Variants in QTMAN observed in about 807,000 individuals in gnomAD.
QTMAN encodes the protein tRNA-queuosine alpha-mannosyltransferase.
chr2:144,164,799 GC>G, the QTMAN span, among the ~76,000 whole-genome samples: 1 of 152,158 alleles, frequency 6.6e-6, no homozygotes, highest in Non-Finnish European at 1.5e-5. Flanking sequence ...GATCACTTGT[GC>G]TTGAGCTGAG....
the QTMAN span, among the ~76,000 whole-genome samples, chr2:144,032,918 GA>G: frequency 3.3e-5 from 5 of 151,654 alleles, no homozygotes; most frequent in South Asian, 4.2e-4. Flanking sequence ...ACTCAAGGGG[GA>G]AAAAAATAGG....
At chr2:144,304,227 A>G in the QTMAN span, among the ~76,000 whole-genome samples, 1 of 152,332 alleles carries the variant, frequency 6.6e-6, no homozygotes, top group East Asian at 1.9e-4. Context: ...CACCTTAGAA[A>G]TAAGATTAAT....
chr2:144,300,805 AT>A, the QTMAN span, among the ~76,000 whole-genome samples: 1 of 152,292 alleles, frequency 6.6e-6, no homozygotes, highest in East Asian at 1.9e-4. Context: ...AGGAAAAAAA[AT>A]AATAACTCAA....
the QTMAN span, among the ~76,000 whole-genome samples, chr2:144,130,368 C>T: frequency 2.6e-5 from 4 of 151,838 alleles, no homozygotes; most frequent in Non-Finnish European, 5.9e-5. Context: ...AATTTTGGCA[C>T]TCAGTACAGC....
At chr2:144,261,341 GGAT>G in the QTMAN span, among the ~76,000 whole-genome samples, 1 of 151,752 alleles carries the variant, frequency 6.6e-6, no homozygotes, top group Non-Finnish European at 1.5e-5. Flanking sequence ...GGGGAGGGGG[GGAT>G]GATATTTAAG....
chr2:144,011,399 G>T, the QTMAN span, among the ~76,000 whole-genome samples: 1 of 152,018 alleles, frequency 6.6e-6, no homozygotes, highest in African/African-American at 2.4e-5. Flanking sequence ...TCATAGACAT[G>T]TTTAATATAA....
At chr2:144,192,396 T>C in the QTMAN span, among the ~76,000 whole-genome samples, 1 of 152,148 alleles carries the variant, frequency 6.6e-6, no homozygotes, top group Non-Finnish European at 1.5e-5. Flanking sequence ...CATAAGCCAA[T>C]GCACCTGGCC....
At chr2:144,051,604 A>C in the QTMAN span, among the ~76,000 whole-genome samples, 2 of 152,244 alleles carry the variant, frequency 1.3e-5, no homozygotes, top group African/African-American at 4.8e-5. Context: ...GTTGCAAAAG[A>C]GAACATACGT....
the QTMAN span, among the ~76,000 whole-genome samples, chr2:144,107,522 C>T: frequency 1.3e-5 from 2 of 152,108 alleles, no homozygotes; most frequent in African/African-American, 4.8e-5. Context: ...GGATAAATTC[C>T]TGGACACATA....
chr2:144,259,969 G>A, the QTMAN span, among the ~76,000 whole-genome samples: 822 of 152,186 alleles, frequency 5.4e-3, 5 homozygotes, highest in Non-Finnish European at 7.9e-3. Context: ...GTTGCACAGC[G>A]TGACAAGTTA....
the QTMAN span, among the ~76,000 whole-genome samples, chr2:143,958,563 A>G: frequency 6.6e-6 from 1 of 152,088 alleles, no homozygotes; most frequent in Non-Finnish European, 1.5e-5. Flanking sequence ...AAAAGCAGCA[A>G]TTATGGGGGA....
At chr2:144,314,462 T>C in the QTMAN span, among the ~76,000 whole-genome samples, 1 of 152,234 alleles carries the variant, frequency 6.6e-6, no homozygotes, top group Admixed American at 6.5e-5. Context: ...CCTGTAATCC[T>C]AGCACTTTGG....
the QTMAN span, chr2:143,952,929 AC>A: frequency 5.0e-6 from 4 of 796,250 alleles, no homozygotes; most frequent in African/African-American, 6.9e-5. Flanking sequence ...GCCTAAGTTA[AC>A]TGAATGAGCC....
At chr2:143,979,342 A>G in the QTMAN span, among the ~76,000 whole-genome samples, 2 of 152,196 alleles carry the variant, frequency 1.3e-5, no homozygotes, top group African/African-American at 4.8e-5. Context: ...AAGACCCAAT[A>G]TATGTATTAT....
At chr2:144,056,916 C>T in the QTMAN span, among the ~76,000 whole-genome samples, 5 of 152,234 alleles carry the variant, frequency 3.3e-5, no homozygotes, top group Admixed American at 6.5e-5. Flanking sequence ...TCCAATAAAA[C>T]ATTTTGCGAT....
the QTMAN span, among the ~76,000 whole-genome samples, chr2:144,002,329 T>C: frequency 6.6e-6 from 1 of 151,954 alleles, no homozygotes; most frequent in South Asian, 2.1e-4. Flanking sequence ...GCTAAACTAG[T>C]TGTCTTTTCA....
the QTMAN span, among the ~76,000 whole-genome samples, chr2:144,044,494 T>C: frequency 9.3e-4 from 142 of 152,320 alleles, 3 homozygotes; most frequent in East Asian, 0.026. Flanking sequence ...GAGTAAGAAC[T>C]TGGGGAGCAA....
chr2:144,175,170 T>C, the QTMAN span, among the ~76,000 whole-genome samples: 1 of 152,070 alleles, frequency 6.6e-6, no homozygotes, highest in South Asian at 2.1e-4. Context: ...GAAAAAAATA[T>C]ATGAAAGATA....
the QTMAN span, among the ~76,000 whole-genome samples, chr2:144,056,935 T>G: frequency 6.6e-6 from 1 of 152,226 alleles, no homozygotes; most frequent in Non-Finnish European, 1.5e-5. Flanking sequence ...ATAGCAAAAC[T>G]ATCTCTCTCA....
Sources: gnomAD v4.1 joint callset for allele counts (sites outside exome capture counted in the v4.1 genomes callset) on GRCh38, gnomAD v4.1.1 for gene constraint, MANE v1.5 for transcripts, NCBI Gene and HGNC (gene_info 2026-07-23, HGNC 2026-07-21) for gene names.